Variants in KCND2 observed in about 807,000 individuals in gnomAD.
The protein encoded by KCND2 is A-type voltage-gated potassium channel KCND2.
Under a neutral mutation model 54.4 loss-of-function variants are expected in KCND2, and 16 were observed. That is an observed-to-expected ratio of 0.29 (90% CI 0.20 to 0.45). The LOEUF (loss-of-function observed/expected upper bound fraction) is 0.45, where lower values mean the gene tolerates loss of function less well. Among genes scored for constraint, KCND2 ranks in the 20% least tolerant of loss-of-function variants. KCND2 has a pLI of 1.00. For synonymous variants in KCND2, 317 were observed against 310.7 expected (o/e 1.02, Z -0.21); for missense variants, 486 against 824.2 (o/e 0.59, Z 5.02).
At chr7:120,291,961 C>A (rs1169658318) in intron 1 of KCND2, among the ~76,000 whole-genome samples, 1 of 151,834 alleles carries the variant, frequency 6.6e-6, no homozygotes, top group African/African-American at 2.4e-5. Context: ...TAGCAAATGT[C>A]CAGGATACAT....
At chr7:120,459,247 G>C (rs144559569) in intron 1 of KCND2, among the ~76,000 whole-genome samples, 1 of 152,028 alleles carries the variant, frequency 6.6e-6, no homozygotes, top group African/African-American at 2.4e-5. Flanking sequence ...TCCGACATAG[G>C]ATCTGTGCTC....
intron 2 of KCND2, among the ~76,000 whole-genome samples, chr7:120,738,998 C>T (rs969678425): frequency 3.3e-5 from 5 of 151,982 alleles, no homozygotes; most frequent in East Asian, 1.9e-4. Flanking sequence ...TTTTCTAACA[C>T]GCTGCATGAC....
intron 1 of KCND2, among the ~76,000 whole-genome samples, chr7:120,299,819 G>A (rs1799561587): frequency 6.6e-6 from 1 of 152,078 alleles, no homozygotes; most frequent in African/African-American, 2.4e-5. Context: ...TTTTTTCCAA[G>A]CCTGAATATA....
intron 1 of KCND2, among the ~76,000 whole-genome samples, chr7:120,664,298 C>A (rs1584874572): frequency 1.3e-5 from 2 of 152,126 alleles, no homozygotes; most frequent in Admixed American, 6.5e-5. Flanking sequence ...CTTTATAAAC[C>A]AACCATCAGC....
intron 1 of KCND2, among the ~76,000 whole-genome samples, chr7:120,572,302 G>A (rs1413273313): frequency 6.6e-6 from 1 of 151,948 alleles, no homozygotes; most frequent in Non-Finnish European, 1.5e-5. Context: ...AGGTACATAG[G>A]TTGTAGTATT....
chr7:120,316,388 A>G (rs1329139104), intron 1 of KCND2, among the ~76,000 whole-genome samples: 1 of 152,220 alleles, frequency 6.6e-6, no homozygotes, highest in Non-Finnish European at 1.5e-5. Flanking sequence ...AATTATTTTA[A>G]CAAGGTCTTT....
chr7:120,554,686 G>A (rs1307027392), intron 1 of KCND2, among the ~76,000 whole-genome samples: 1 of 152,180 alleles, frequency 6.6e-6, no homozygotes, highest in Non-Finnish European at 1.5e-5. Context: ...GGGATTACAG[G>A]CGTGAGCCAC....
intron 5 of KCND2, among the ~76,000 whole-genome samples, chr7:120,746,239 G>A (rs535241121): frequency 2.0e-5 from 3 of 152,208 alleles, no homozygotes; most frequent in Admixed American, 1.3e-4. Context: ...TAAAAGAGTC[G>A]AAAGAAGAAG....
At chr7:120,405,326 G>A (rs530819206) in intron 1 of KCND2, among the ~76,000 whole-genome samples, 16 of 152,234 alleles carry the variant, frequency 1.1e-4, no homozygotes, top group Non-Finnish European at 2.4e-4. Context: ...CTAATGTGGT[G>A]AATCCCACTT....
At chr7:120,512,661 A>G (rs1409724645) in intron 1 of KCND2, among the ~76,000 whole-genome samples, 1 of 152,126 alleles carries the variant, frequency 6.6e-6, no homozygotes, top group East Asian at 1.9e-4. Context: ...AGTTATTTGT[A>G]GATGATACTT....
At chr7:120,483,233 C>T (rs1347334283) in intron 1 of KCND2, among the ~76,000 whole-genome samples, 3 of 152,042 alleles carry the variant, frequency 2.0e-5, no homozygotes, top group Non-Finnish European at 2.9e-5. Context: ...TGTACCAGAT[C>T]GTGAAAGGTA....
intron 1 of KCND2, among the ~76,000 whole-genome samples, chr7:120,335,738 T>G (rs1800142716): frequency 6.6e-6 from 1 of 151,970 alleles, no homozygotes; most frequent in Non-Finnish European, 1.5e-5. Flanking sequence ...ACCTGCCTCG[T>G]CCTCCCAAAG....
intron 1 of KCND2, among the ~76,000 whole-genome samples, chr7:120,378,453 T>C (rs947895938): frequency 6.6e-6 from 1 of 151,966 alleles, no homozygotes; most frequent in African/African-American, 2.4e-5. Context: ...ATGAAATATT[T>C]GGTGGGAGTT....
chr7:120,570,163 A>G (rs1792344963), intron 1 of KCND2, among the ~76,000 whole-genome samples: 1 of 152,172 alleles, frequency 6.6e-6, no homozygotes, highest in Admixed American at 6.6e-5. Context: ...GATGTTTGCA[A>G]ATAGACAGTT....
intron 1 of KCND2, among the ~76,000 whole-genome samples, chr7:120,350,930 T>A (rs983405712): frequency 6.6e-6 from 1 of 152,148 alleles, no homozygotes. Flanking sequence ...AAGAAAAATC[T>A]ATCTTAAACT....
At chr7:120,601,196 C>G (rs1037828646) in intron 1 of KCND2, among the ~76,000 whole-genome samples, 1 of 151,978 alleles carries the variant, frequency 6.6e-6, no homozygotes, top group South Asian at 2.1e-4. Flanking sequence ...ATAAGAGTTA[C>G]CATATTGTAA....
At chr7:120,602,400 C>T (rs1792824925) in intron 1 of KCND2, among the ~76,000 whole-genome samples, 1 of 152,104 alleles carries the variant, frequency 6.6e-6, no homozygotes, top group African/African-American at 2.4e-5. Context: ...GTCACACAGG[C>T]TTCCTGCAAT....
At chr7:120,362,866 G>A (rs1361938768) in intron 1 of KCND2, among the ~76,000 whole-genome samples, 1 of 151,998 alleles carries the variant, frequency 6.6e-6, no homozygotes, top group Non-Finnish European at 1.5e-5. Flanking sequence ...TCTATAGGTT[G>A]GATGCAGGGT....
intron 1 of KCND2, among the ~76,000 whole-genome samples, chr7:120,692,780 C>T (rs1390176481): frequency 6.6e-6 from 1 of 152,174 alleles, no homozygotes; most frequent in East Asian, 1.9e-4. Context: ...AGGATTCAGC[C>T]CCTGTGGGGC....
Sources: gnomAD v4.1 joint callset for allele counts (sites outside exome capture counted in the v4.1 genomes callset) on GRCh38, gnomAD v4.1.1 for gene constraint, MANE v1.5 for transcripts, NCBI Gene and HGNC (gene_info 2026-07-23, HGNC 2026-07-21) for gene names.